SH3RF2: variants seen among roughly 807,000 people sequenced by gnomAD.
SH3RF2 encodes the protein SH3 domain containing ring finger 2.
SH3RF2 carries 43 observed loss-of-function variants against 59.0 expected under a neutral mutation model. The ratio of observed to expected loss-of-function variants is 0.73; its 90% CI spans 0.57 to 0.94. The LOEUF (loss-of-function observed/expected upper bound fraction) is 0.94, where lower values mean the gene tolerates loss of function less well. Ranked by LOEUF, SH3RF2 falls within the 40% of genes least tolerant of loss-of-function variation. The pLI is 0.00. For missense variants in SH3RF2, 930 were observed against 940.1 expected (o/e 0.99, Z 0.14); for synonymous variants, 391 against 391.5 (o/e 1.00, Z 0.01).
chr5:146,064,807 G>GGAAAGAAAGAAA (rs1216580727), downstream of SH3RF2, among the ~76,000 whole-genome samples: 15 of 18,340 alleles, frequency 8.2e-4, 1 homozygote, highest in African/African-American at 2.5e-3. Flanking sequence ...AAGGAAGGAA[G>GGAAAGAAAGAAA]GAAAGAAAGA....
At chr5:145,978,388 C>T (rs1446403243) in intron 2 of SH3RF2, among the ~76,000 whole-genome samples, 1 of 152,174 alleles carries the variant, frequency 6.6e-6, no homozygotes, top group Non-Finnish European at 1.5e-5. Context: ...TGGCCAACGC[C>T]CCATCCTAGC....
At chr5:145,937,069 T>C (rs1362985588) in intron 1 of SH3RF2, 1 of 152,076 alleles carries the variant, frequency 6.6e-6, no homozygotes, top group African/African-American at 2.4e-5. Context: ...TCTGCTTCAT[T>C]TGAAATTGAG....
At chr5:146,038,710 C>T (rs1463678646) in intron 5 of SH3RF2, among the ~76,000 whole-genome samples, 2 of 152,272 alleles carry the variant, frequency 1.3e-5, no homozygotes, top group Non-Finnish European at 2.9e-5. Context: ...TTGGATGGGA[C>T]AACTTAATAT....
chr5:146,024,231 C>T (rs563954179), intron 5 of SH3RF2, among the ~76,000 whole-genome samples: 1 of 152,296 alleles, frequency 6.6e-6, no homozygotes, highest in South Asian at 2.1e-4. Flanking sequence ...CCCACATCTT[C>T]GCCAACACTT....
intron 4 of SH3RF2, among the ~76,000 whole-genome samples, chr5:146,010,167 T>G (rs961658538): frequency 2.6e-5 from 4 of 152,182 alleles, no homozygotes; most frequent in Non-Finnish European, 5.9e-5. Flanking sequence ...CTGAGAATGA[T>G]GGTTTCCAGC....
At chr5:146,009,047 G>C (rs547832310) in intron 4 of SH3RF2, among the ~76,000 whole-genome samples, 10 of 152,304 alleles carry the variant, frequency 6.6e-5, no homozygotes, top group African/African-American at 2.2e-4. Flanking sequence ...CACTGGAGTT[G>C]TTTTCCAGTT....
At chr5:146,019,910 G>C (rs979490248) in intron 5 of SH3RF2, among the ~76,000 whole-genome samples, 1 of 152,042 alleles carries the variant, frequency 6.6e-6, no homozygotes, top group Non-Finnish European at 1.5e-5. Context: ...TTCTCAGCTT[G>C]TTTGTTGTTG....
intron 2 of SH3RF2, among the ~76,000 whole-genome samples, chr5:145,986,002 C>CAAATAAAT (rs5871949): frequency 0.06 from 8,686 of 144,176 alleles, 389 homozygotes; most frequent in East Asian, 0.2. Flanking sequence ...AGACTTGTCT[C>CAAATAAAT]AAATAAATAA....
At chr5:145,983,720 A>G (rs1029136425) in intron 2 of SH3RF2, among the ~76,000 whole-genome samples, 2 of 152,120 alleles carry the variant, frequency 1.3e-5, no homozygotes. Context: ...ACTTTTTGTC[A>G]CTCATCATGG....
At chr5:146,026,492 C>T (rs1761535512) in intron 5 of SH3RF2, among the ~76,000 whole-genome samples, 1 of 152,198 alleles carries the variant, frequency 6.6e-6, no homozygotes, top group Non-Finnish European at 1.5e-5. Flanking sequence ...GCTAACAGCA[C>T]ACTCTGAAGA....
chr5:146,019,040 T>C (rs1761213597), intron 5 of SH3RF2, among the ~76,000 whole-genome samples: 1 of 152,138 alleles, frequency 6.6e-6, no homozygotes, highest in Non-Finnish European at 1.5e-5. Context: ...AGTTTGCAAA[T>C]ATTTTCTTCT....
intron 2 of SH3RF2, among the ~76,000 whole-genome samples, chr5:145,995,007 TA>T (rs34904079): frequency 2.0e-5 from 3 of 150,464 alleles, no homozygotes; most frequent in African/African-American, 7.3e-5. Context: ...TCATAAATAA[TA>T]AAAAAAAAGC....
chr5:146,039,580 T>A (rs1280983372), intron 5 of SH3RF2, among the ~76,000 whole-genome samples: 1 of 151,822 alleles, frequency 6.6e-6, no homozygotes, highest in Non-Finnish European at 1.5e-5. Flanking sequence ...AATCAGCAGG[T>A]ATTAAAAAGC....
chr5:146,053,386 C>T (rs1387049546), intron 7 of SH3RF2, among the ~76,000 whole-genome samples: 5 of 152,010 alleles, frequency 3.3e-5, no homozygotes, highest in Admixed American at 2.6e-4. Context: ...ATAGCGGCAA[C>T]ATCCCTTTGG....
At chr5:146,077,155 C>A (rs1323598497) in intron 9 of SH3RF2, among the ~76,000 whole-genome samples, 1 of 152,154 alleles carries the variant, frequency 6.6e-6, no homozygotes, top group African/African-American at 2.4e-5. Context: ...TCATAAAGAT[C>A]GAACTTCTGT....
intron 2 of SH3RF2, among the ~76,000 whole-genome samples, chr5:145,971,555 G>A (rs913072621): frequency 1.3e-5 from 2 of 152,342 alleles, no homozygotes; most frequent in South Asian, 2.1e-4. Context: ...ACCAAATACA[G>A]TGTTTATTCC....
chr5:145,974,907 A>G (rs1211093590), intron 2 of SH3RF2, among the ~76,000 whole-genome samples: 1 of 152,242 alleles, frequency 6.6e-6, no homozygotes, highest in Non-Finnish European at 1.5e-5. Context: ...AATATATTGA[A>G]TCGGTTTTCC....
At position 146,000,309 on chromosome 5, in the gene SH3RF2, T is replaced by C; in HGVS notation, c.630T>C (p.Asp210=). The change falls in exon 3 of 10, where the codon GAT becomes GAC. Residue 210 remains aspartate (D), a synonymous_variant. Coordinates refer to ENST00000359120, the MANE Select transcript of SH3RF2 (RefSeq NM_152550.4). The part of the protein sequence containing the change: ...LRGKDKSENQ[D]CLTFLKDDII... ...GCAAGGACAAGAGTGAGAACCAGGA[T>C]TGCCTGACCTTCCTCAAGGTAGGAT... 1.1e-5 allele frequency: 17 copies of C among 1,613,134 alleles called. No individual in the cohort carries two copies. The highest frequency in any genetic ancestry group is 1.4e-5 in the Non-Finnish European group (17 of 1,179,692).
At chr5:145,970,871 T>C (rs1759054505) in intron 2 of SH3RF2, among the ~76,000 whole-genome samples, 1 of 152,286 alleles carries the variant, frequency 6.6e-6, no homozygotes, top group Middle Eastern at 3.4e-3. Flanking sequence ...TTTATGAACA[T>C]GTAATTTTCA....
Sources: gnomAD v4.1 joint callset for allele counts (sites outside exome capture counted in the v4.1 genomes callset) on GRCh38, gnomAD v4.1.1 for gene constraint, MANE v1.5 for transcripts, NCBI Gene and HGNC (gene_info 2026-07-23, HGNC 2026-07-21) for gene names.